Variants in ADCY8 observed in about 807,000 individuals in gnomAD.
The protein encoded by ADCY8 is adenylate cyclase type 8.
A neutral mutation model predicts 119.7 loss-of-function variants in ADCY8; 51 were observed. The observed-to-expected ratio is 0.43, with a 90% confidence interval of 0.34 to 0.54. The LOEUF (loss-of-function observed/expected upper bound fraction) is 0.54. Ranked by LOEUF, ADCY8 falls within the 20% of genes least tolerant of loss-of-function variation. The probability of loss-of-function intolerance (pLI) is 0.03; values close to 1 mark genes in which losing one functional copy is unlikely to be tolerated. For synonymous variants in ADCY8, 665 were observed against 651.0 expected (o/e 1.02, Z -0.33); for missense variants, 1,383 against 1,598.8 (o/e 0.87, Z 2.30).
rs1818448249 is a variant in ADCY8, at chr8:130,873,667, AG to A, written c.2110-5722del. Among the ~76,000 whole-genome samples, 5 of 152,266 alleles carry A rather than the reference AG, an allele frequency of 3.3e-5. No homozygotes were observed. In the South Asian group the frequency reaches 1.0e-3, roughly 32 times the overall value. On this transcript the variant is annotated intron_variant, in intron 8 of 17. Coordinates refer to ENST00000286355, the MANE Select transcript of ADCY8 (RefSeq NM_001115.3). ...TGTAGGTGAGATTACAGAATCTTCT[AG>A]GTGGAATGAATTGTATTTGTCATCT...
At chr8:130,785,591 TAG>T in intron 15 of ADCY8, 116 bp from the exon 16 acceptor site, 1 of 594,180 alleles carries the variant, frequency 1.7e-6, no homozygotes, top group Non-Finnish European at 2.9e-6. Context: ...CAATATCCTC[TAG>T]TTATCTGCTT....
rs5895055 is a variant in ADCY8, at chr8:130,780,361, C to CA, written c.*28dup. The CA allele has an allele frequency of 0.26, 328,035 of 1,264,822 alleles. 11,499 individuals are homozygous for CA. Among genetic ancestry groups the CA allele is most frequent in the East Asian group, 0.45 (15,177 of 33,994 alleles). 78.3% of individuals were successfully genotyped at this position (1,264,822 alleles called of 1,614,324 possible). A position where few individuals can be genotyped will look rare whatever the true frequency, so the allele number is the denominator to read the frequency against. On this transcript the variant is annotated 3_prime_UTR_variant, in exon 18 of 18. Coordinates refer to ENST00000286355, the MANE Select transcript of ADCY8 (RefSeq NM_001115.3). ...ATTTATTTTATATATAAAAGAAATACAAAAAAAAAAAACAGAAAGAAAATG... is the reference window on the plus strand; with the variant it reads ...ATTTATTTTATATATAAAAGAAATACAAAAAAAAAAAAACAGAAAGAAAATG...
chr8:131,027,637 G>T (rs144911777), intron 1 of ADCY8, among the ~76,000 whole-genome samples: 1 of 152,186 alleles, frequency 6.6e-6, no homozygotes, highest in Non-Finnish European at 1.5e-5. Flanking sequence ...ATTGTTACTT[G>T]TTGGGGTTGG....
intron 11 of ADCY8, among the ~76,000 whole-genome samples, chr8:130,841,061 G>C (rs1460250933): frequency 6.6e-6 from 1 of 152,192 alleles, no homozygotes; most frequent in African/African-American, 2.4e-5. Flanking sequence ...GTGTGAAAGA[G>C]ACCAGATTCA....
chr8:130,873,333 T>C (rs1163921445), intron 8 of ADCY8, among the ~76,000 whole-genome samples: 4 of 152,198 alleles, frequency 2.6e-5, no homozygotes, highest in Non-Finnish European at 5.9e-5. Context: ...TTTTTTTTTT[T>C]TGAGACACGA....
intron 2 of ADCY8, among the ~76,000 whole-genome samples, chr8:130,969,828 G>C (rs1462242202): frequency 6.6e-6 from 1 of 152,220 alleles, no homozygotes; most frequent in African/African-American, 2.4e-5. Flanking sequence ...GGAAACTGAG[G>C]CTCAGAGAAG....
intron 3 of ADCY8, among the ~76,000 whole-genome samples, chr8:130,946,011 C>T (rs1356645214): frequency 6.6e-6 from 1 of 152,184 alleles, no homozygotes; most frequent in Admixed American, 6.5e-5. Flanking sequence ...CTCAGCTATG[C>T]TATTTTTGAA....
intron 5 of ADCY8, among the ~76,000 whole-genome samples, chr8:130,932,358 C>T (rs1307082165): frequency 1.3e-5 from 2 of 152,088 alleles, no homozygotes; most frequent in Non-Finnish European, 2.9e-5. Context: ...GCCATCGGGG[C>T]GTGTGTAGAG....
chr8:131,030,150 G>T (rs955845151), intron 1 of ADCY8, among the ~76,000 whole-genome samples: 4 of 152,170 alleles, frequency 2.6e-5, no homozygotes, highest in Non-Finnish European at 4.4e-5. Flanking sequence ...ACCCATGTTT[G>T]TGTGGGGATG....
chr8:130,882,176 T>C (rs776336193), intron 8 of ADCY8, among the ~76,000 whole-genome samples: 12 of 150,948 alleles, frequency 7.9e-5, no homozygotes, highest in Non-Finnish European at 1.5e-4. Flanking sequence ...CATCTCACAG[T>C]TGATGACACC....
intron 4 of ADCY8, among the ~76,000 whole-genome samples, chr8:130,941,667 A>C (rs928212270): frequency 7.2e-5 from 11 of 152,092 alleles, no homozygotes; most frequent in Non-Finnish European, 1.3e-4. Flanking sequence ...CGCCCCCGTC[A>C]GTCTCCTAGC....
At position 130,929,900 on chromosome 8, in the gene ADCY8, A is replaced by T. The variant is rs150542451; in HGVS notation, c.1481+7173T>A. Among the ~76,000 whole-genome samples, 1,007 of 152,152 alleles carry T rather than the reference A, an allele frequency of 6.6e-3. 5 individuals carry two copies. Among genetic ancestry groups the T allele is most frequent in the Middle Eastern group, 0.037 (11 of 294 alleles). ...CATTACATAATGACTTTCTTTGTTC[A>T]TTTTCATAGTTATTAATGTAAAGTG... On this transcript the variant is annotated intron_variant, in intron 5 of 17. Transcript: ENST00000286355.
chr8:130,840,570 A>C (rs946108316), intron 11 of ADCY8, among the ~76,000 whole-genome samples: 2 of 152,190 alleles, frequency 1.3e-5, no homozygotes, highest in African/African-American at 4.8e-5. Flanking sequence ...GCAGGGTGTA[A>C]AATTATATAT....
intron 11 of ADCY8, among the ~76,000 whole-genome samples, chr8:130,837,340 A>G (rs1817020805): frequency 6.6e-6 from 1 of 152,074 alleles, no homozygotes; most frequent in Admixed American, 6.6e-5. Context: ...CCTTCTCCCA[A>G]GTCCCAGGGC....
chr8:130,994,352 C>T (rs1822698043), intron 1 of ADCY8, among the ~76,000 whole-genome samples: 1 of 152,184 alleles, frequency 6.6e-6, no homozygotes, highest in Non-Finnish European at 1.5e-5. Context: ...TTGTAAAGCA[C>T]CAGTGATTTC....
At chr8:130,984,761 G>T (rs1047645373) in intron 2 of ADCY8, among the ~76,000 whole-genome samples, 1 of 152,188 alleles carries the variant, frequency 6.6e-6, no homozygotes, top group African/African-American at 2.4e-5. Context: ...GTACAAGCGT[G>T]TATCACAGAG....
At chr8:130,916,652 C>T (rs2130569335) in intron 5 of ADCY8, among the ~76,000 whole-genome samples, 1 of 152,304 alleles carries the variant, frequency 6.6e-6, no homozygotes, top group South Asian at 2.1e-4. Flanking sequence ...GAACACCTGG[C>T]CCACCCAGGG....
At chr8:131,009,577 C>A (rs1369349174) in intron 1 of ADCY8, among the ~76,000 whole-genome samples, 1 of 152,292 alleles carries the variant, frequency 6.6e-6, no homozygotes, top group East Asian at 1.9e-4. Flanking sequence ...GAACTGTGAG[C>A]CAATTAAACC....
At chr8:130,977,376 C>G (rs1289284379) in intron 2 of ADCY8, among the ~76,000 whole-genome samples, 1 of 152,182 alleles carries the variant, frequency 6.6e-6, no homozygotes, top group African/African-American at 2.4e-5. Flanking sequence ...CAGTGGGTCT[C>G]TTGTTTTTTG....
Sources: allele counts gnomAD v4.1 joint callset (sites outside exome capture counted in the v4.1 genomes callset), GRCh38; gene constraint gnomAD v4.1.1; transcripts MANE v1.5; gene names NCBI Gene and HGNC (gene_info 2026-07-23, HGNC 2026-07-21).